Variants in FBN2 observed in about 807,000 individuals in gnomAD.
FBN2 encodes fibrillin-2.
A neutral mutation model predicts 355.6 loss-of-function variants in FBN2; 105 were observed. That is an observed-to-expected ratio of 0.30 (90% CI 0.25 to 0.35). The LOEUF (loss-of-function observed/expected upper bound fraction) is 0.35. Among genes scored for constraint, FBN2 ranks in the 10% least tolerant of loss-of-function variants. FBN2 has a pLI of 1.00. For synonymous variants in FBN2, 1,350 were observed against 1,301.2 expected (o/e 1.04, Z -0.81); for missense variants, 3,280 against 3,758.7 (o/e 0.87, Z 3.33).
chr5:128,302,444 G>T (rs1199128014), intron 46 of FBN2, among the ~76,000 whole-genome samples: 1 of 152,158 alleles, frequency 6.6e-6, no homozygotes, highest in Non-Finnish European at 1.5e-5. Flanking sequence ...AGTCCTGTAT[G>T]GCGCATAGGA....
chr5:128,329,312 T>G (rs1047906569), intron 33 of FBN2, among the ~76,000 whole-genome samples: 2 of 152,172 alleles, frequency 1.3e-5, no homozygotes, highest in Non-Finnish European at 2.9e-5. Flanking sequence ...TACAATCTTA[T>G]AAAAATACTC....
intron 64 of FBN2, 140 bp from the exon 65 acceptor site, chr5:128,259,969 C>T: frequency 1.2e-6 from 1 of 838,630 alleles, no homozygotes; most frequent in Non-Finnish European, 2.0e-6. Context: ...TCCTTACCAG[C>T]AGTGGCTGTG....
Position 128,278,765 on chromosome 5 carries a change from G to A in FBN2, c.7215C>T (p.Val2405=). 6.2e-7 allele frequency: 1 copy of A among 1,614,122 alleles called. No individual in the cohort carries two copies. The highest frequency in any genetic ancestry group is 8.5e-7 in the Non-Finnish European group (1 of 1,179,986). ...CATCACAGCAGCATTCTGACTTAGTGACGAGATTGCGACTACTGGATGCCA... is the reference window on the plus strand; with the variant it reads ...CATCACAGCAGCATTCTGACTTAGTAACGAGATTGCGACTACTGGATGCCA... The part of the protein sequence containing the change: ...CQMASSSRNL[V]TKSECCCDGG... Residue 2405 remains valine (V), a synonymous_variant, in exon 57 of 65, where the codon GTC becomes GTT. Transcript: ENST00000262464.
At chr5:128,427,190 G>A (rs1027875044) in intron 7 of FBN2, among the ~76,000 whole-genome samples, 1 of 152,010 alleles carries the variant, frequency 6.6e-6, no homozygotes, top group Non-Finnish European at 1.5e-5. Flanking sequence ...CCACCCCCCT[G>A]CCACTGCCCC....
At chr5:128,447,364 G>A (rs544030548) in intron 6 of FBN2, among the ~76,000 whole-genome samples, 6 of 152,122 alleles carry the variant, frequency 3.9e-5, no homozygotes, top group East Asian at 1.9e-4. Flanking sequence ...AAGAGAATGC[G>A]TTCCTAGGGG....
intron 6 of FBN2, among the ~76,000 whole-genome samples, chr5:128,448,994 T>C (rs1264096672): frequency 6.6e-6 from 1 of 151,998 alleles, no homozygotes; most frequent in Non-Finnish European, 1.5e-5. Flanking sequence ...TTTTGGACTT[T>C]AAATGTAAAA....
At chr5:128,409,574 T>C (rs1753013179) in intron 7 of FBN2, among the ~76,000 whole-genome samples, 1 of 152,186 alleles carries the variant, frequency 6.6e-6, no homozygotes, top group South Asian at 2.1e-4. Flanking sequence ...GTGGGAAGTC[T>C]AACAAAGCTG....
rs185180410 is a variant in FBN2, at chr5:128,299,566, G to T, written c.6166+1251C>A. On this transcript the variant is annotated intron_variant, in intron 48 of 64. Transcript: ENST00000262464. ...CCCGTCGGAAAACCGCAGTATTCGG[G>T]TGGAAGTGACCCGATTCTCCAGGTG... is the stretch of plus-strand genomic sequence containing the variant. Among the ~76,000 whole-genome samples, 373 of 152,262 alleles carry T rather than the reference G, an allele frequency of 2.4e-3. 2 individuals are homozygous for T. The highest frequency in any genetic ancestry group is 4.1e-3 in the Admixed American group (63 of 15,302).
intron 4 of FBN2, among the ~76,000 whole-genome samples, chr5:128,519,966 A>C (rs1397282858): frequency 6.6e-6 from 1 of 152,226 alleles, no homozygotes; most frequent in African/African-American, 2.4e-5. Flanking sequence ...ATAAAATGCC[A>C]AAAGAAGTAA....
chr5:128,374,786 G>C (rs771924378), intron 14 of FBN2, 36 bp from the exon 15 acceptor site: 3 of 1,612,818 alleles, frequency 1.9e-6, no homozygotes, highest in Non-Finnish European at 2.5e-6. Context: ...GCAGTTACTG[G>C]GTAAATTTAA....
chr5:128,532,949 A>G (rs1756745720), intron 2 of FBN2, among the ~76,000 whole-genome samples: 3 of 152,216 alleles, frequency 2.0e-5, no homozygotes, highest in Non-Finnish European at 4.4e-5. Context: ...CTGAGGTCAG[A>G]ATGCAGCTTG....
At position 128,273,856 on chromosome 5, in the gene FBN2, G is replaced by A. The variant is rs28763922; in HGVS notation, c.7824C>T (p.Thr2608=). ...ECQRGFSLDA[T]GLNCEDVDEC... ...TCAACTAACCTTCACAGTTCAGTCC[G>A]GTGGCATCAAGAGAGAACCCTCTTT... Residue 2608 remains threonine (T), a synonymous_variant, in exon 61 of 65, where the codon ACC becomes ACT. Transcript: ENST00000262464. 6.4e-4 allele frequency: 1,037 copies of A among 1,613,684 alleles called. 4 individuals are homozygous for A. The African/African-American group carries it at 0.012, about 19-fold the overall frequency.
At chr5:128,436,811 G>A (rs1326598091) in intron 7 of FBN2, among the ~76,000 whole-genome samples, 2 of 152,176 alleles carry the variant, frequency 1.3e-5, no homozygotes, top group Non-Finnish European at 2.9e-5. Flanking sequence ...CTTTAAGCCA[G>A]GGCAGAATCC....
At chr5:128,275,253 A>C (rs1765361418) in intron 59 of FBN2, among the ~76,000 whole-genome samples, 1 of 152,196 alleles carries the variant, frequency 6.6e-6, no homozygotes, top group Non-Finnish European at 1.5e-5. Context: ...TAATTTGGAA[A>C]CTATATTTAA....
intron 6 of FBN2, among the ~76,000 whole-genome samples, chr5:128,456,644 G>A (rs972866457): frequency 3.7e-4 from 56 of 152,032 alleles, no homozygotes; most frequent in African/African-American, 1.3e-3. Flanking sequence ...TCATGGGGGC[G>A]AATCAGATGA....
Position 128,475,402 on chromosome 5 carries a change from C to G in FBN2, c.629-10481G>C, listed in dbSNP as rs905073909. On this transcript the variant is annotated intron_variant, in intron 5 of 64. Coordinates refer to ENST00000262464, the MANE Select transcript of FBN2 (RefSeq NM_001999.4). ...GAATCCTTTCAATATTTAGACTCAA[C>G]AGAAGTGCAAAAAAAGGGATGGTCA... 9.9e-5 allele frequency among the ~76,000 whole-genome samples: 15 copies of G among 151,972 alleles called. No individual in the cohort carries two copies. In the South Asian group the frequency reaches 2.7e-3, roughly 27 times the overall value.
chr5:128,506,613 T>G (rs1445183002), intron 5 of FBN2, among the ~76,000 whole-genome samples: 1 of 152,168 alleles, frequency 6.6e-6, no homozygotes, highest in East Asian at 1.9e-4. Context: ...ACAATTTTAC[T>G]TCCTCCTTTC....
chr5:128,363,222 G>A (rs1234375043), intron 18 of FBN2, among the ~76,000 whole-genome samples: 7 of 151,058 alleles, frequency 4.6e-5, no homozygotes, highest in Non-Finnish European at 7.4e-5. Flanking sequence ...ATGGAGTCTC[G>A]GTCTGTCACC....
At chr5:128,414,973 C>G (rs986528760) in intron 7 of FBN2, among the ~76,000 whole-genome samples, 1 of 152,064 alleles carries the variant, frequency 6.6e-6, no homozygotes, top group Non-Finnish European at 1.5e-5. Context: ...AATTAAGTTA[C>G]TTATGTTTTT....
Sources: allele counts gnomAD v4.1 joint callset (sites outside exome capture counted in the v4.1 genomes callset), GRCh38; gene constraint gnomAD v4.1.1; transcripts MANE v1.5; gene names NCBI Gene and HGNC (gene_info 2026-07-23, HGNC 2026-07-21).